KDM3B: variants seen among roughly 807,000 people sequenced by gnomAD.
KDM3B encodes lysine-specific demethylase 3B.
A neutral mutation model predicts 170.0 loss-of-function variants in KDM3B; 10 were observed. The ratio of observed to expected loss-of-function variants is 0.06; its 90% CI spans 0.04 to 0.10. The LOEUF is 0.10. Among genes scored for constraint, KDM3B ranks in the 10% least tolerant of loss-of-function variants. The pLI is 1.00. For synonymous variants in KDM3B, 831 were observed against 834.8 expected, an observed-to-expected ratio of 1.00 and a Z score of 0.08; for missense variants, 1,394 against 2,195.2, an observed-to-expected ratio of 0.64 and a Z score of 7.29.
chr5:138,412,645 C>A (rs1010932053), intron 11 of KDM3B, among the ~76,000 whole-genome samples: 3 of 151,992 alleles, frequency 2.0e-5, no homozygotes, highest in Non-Finnish European at 4.4e-5. Flanking sequence ...CAGAGTGAGA[C>A]CCTGTCTCCA....
At position 138,372,835 on chromosome 5, in the gene KDM3B, A is replaced by G; in HGVS notation, c.354A>G (p.Pro118=). The G allele has an allele frequency of 6.2e-7, 1 of 1,612,340 alleles. No individual in the cohort carries two copies. The highest frequency in any genetic ancestry group is 1.1e-5 in the South Asian group (1 of 90,806). The change falls in exon 2 of 24, where the codon CCA becomes CCG. Residue 118 remains proline, a synonymous_variant. Transcript: ENST00000314358. ...TTCGAGTCTCCATTGCACAATGGCC[A>G]GCCCTGGTGAGTGGCTTTTACTGGG... ...QGIRVSIAQW[P]ALTFTPLVDK... is the part of the protein sequence containing the mutation.
At chr5:138,384,325 C>T (rs1182484087) in intron 6 of KDM3B, among the ~76,000 whole-genome samples, 5 of 151,600 alleles carry the variant, frequency 3.3e-5, no homozygotes, top group Admixed American at 2.0e-4. Context: ...AGAGGCTGGG[C>T]GTGGTGGCTC....
At position 138,420,836 on chromosome 5, in the gene KDM3B, T is replaced by A; in HGVS notation, c.3846T>A (p.Thr1282=). 1 of 1,614,176 alleles carries A rather than the reference T, an allele frequency of 6.2e-7. No individual in the cohort carries two copies. The change falls in exon 15 of 24, where the codon ACT becomes ACA. Residue 1282 remains threonine (T), a synonymous_variant. Transcript: ENST00000314358. ...KLFNSLLLGP[T]ASNNKTEGSS... The stretch of plus-strand genomic sequence containing the variant: ...TTAACAGTCTGTTGCTGGGTCCCAC[T>A]GCCTCCAACAACAAAACCGAAGGGT...
intron 11 of KDM3B, among the ~76,000 whole-genome samples, chr5:138,411,758 G>T (rs560420373): frequency 4.0e-5 from 6 of 149,480 alleles, no homozygotes; most frequent in African/African-American, 1.2e-4. Flanking sequence ...GGAGTGCAGT[G>T]GTGCAATCTT....
intron 12 of KDM3B, among the ~76,000 whole-genome samples, chr5:138,416,805 G>A (rs570087546): frequency 5.9e-5 from 9 of 151,996 alleles, no homozygotes; most frequent in Admixed American, 1.3e-4. Flanking sequence ...ATAACTTACA[G>A]TAAAGTATAC....
chr5:138,397,479 G>C (rs1273601274), intron 9 of KDM3B, among the ~76,000 whole-genome samples: 1 of 152,202 alleles, frequency 6.6e-6, no homozygotes, highest in Non-Finnish European at 1.5e-5. Context: ...CTGTGCTCCA[G>C]CCTGGGTAAC....
Position 138,419,228 on chromosome 5 carries a change from A to G in KDM3B, c.3711A>G (p.Thr1237=). Residue 1237 remains threonine (T), a synonymous_variant, in exon 14 of 24, where the codon ACA becomes ACG. Coordinates refer to ENST00000314358, the MANE Select transcript of KDM3B (RefSeq NM_016604.4). The part of the protein sequence containing the change: ...DLATQKAKEE[T]KEAGSLRSVL... ...CAACTCAGAAGGCTAAAGAAGAAAC[A>G]AAAGGTGAGATGCACACAAACCTCT... The G allele has an allele frequency of 6.2e-7, 1 of 1,612,810 alleles. No individual in the cohort carries two copies. Among genetic ancestry groups the G allele is most frequent in the Non-Finnish European group, 8.5e-7 (1 of 1,179,012 alleles).
chr5:138,398,090 AT>A, intron 9 of KDM3B, 87 bp from the exon 10 acceptor site: 1 of 989,676 alleles, frequency 1.0e-6, no homozygotes. Context: ...CTGTTGTCTC[AT>A]TTTACTTCTG....
chr5:138,419,375 G>T, intron 14 of KDM3B, 143 bp downstream of exon 14: 4 of 1,078,784 alleles, frequency 3.7e-6, no homozygotes, highest in Non-Finnish European at 3.9e-6. Flanking sequence ...GACTGCCGGG[G>T]CCTGGCGTGG....
intron 19 of KDM3B, 92 bp from the exon 20 acceptor site, chr5:138,427,875 C>T: frequency 8.3e-7 from 1 of 1,206,294 alleles, no homozygotes; most frequent in Middle Eastern, 2.6e-4. Context: ...ACTCATTTAA[C>T]AACACCCTTG....
chr5:138,399,188 C>T (rs543465290), intron 10 of KDM3B, among the ~76,000 whole-genome samples: 2 of 151,830 alleles, frequency 1.3e-5, no homozygotes, highest in Admixed American at 6.6e-5. Flanking sequence ...GCGCCCGGCC[C>T]TGTATCCTAA....
chr5:138,396,883 C>T (rs758860620), intron 9 of KDM3B, among the ~76,000 whole-genome samples: 5 of 151,834 alleles, frequency 3.3e-5, no homozygotes, highest in Admixed American at 6.6e-5. Flanking sequence ...TGTAGGTAGA[C>T]ATGAATTTAA....
intron 1 of KDM3B, among the ~76,000 whole-genome samples, chr5:138,355,007 C>CT (rs1000694663): frequency 1.4e-4 from 21 of 151,982 alleles, no homozygotes; most frequent in Middle Eastern, 6.8e-3. Context: ...GGGCCGTTTT[C>CT]TTTTTTTCTC....
At chr5:138,428,230 G>A (rs903178995) in intron 20 of KDM3B, 144 bp downstream of exon 20, 3 of 851,250 alleles carry the variant, frequency 3.5e-6, no homozygotes, top group Non-Finnish European at 5.4e-6. Context: ...GGGCGGGGAG[G>A]CAGAGTCTCG....
chr5:138,354,137 C>G (rs1385457115), intron 1 of KDM3B, among the ~76,000 whole-genome samples: 1 of 152,164 alleles, frequency 6.6e-6, no homozygotes, highest in Non-Finnish European at 1.5e-5. Context: ...CGGTGTTAGA[C>G]TGTCCTTTTT....
intron 6 of KDM3B, 113 bp from the exon 7 acceptor site, chr5:138,385,909 C>A: frequency 8.0e-7 from 1 of 1,248,084 alleles, no homozygotes; most frequent in Non-Finnish European, 1.1e-6. Context: ...GGCATTGGAA[C>A]TTGGCAGTCT....
At chr5:138,378,767 G>T (rs1351709426) in intron 4 of KDM3B, among the ~76,000 whole-genome samples, 2 of 149,564 alleles carry the variant, frequency 1.3e-5, no homozygotes, top group Non-Finnish European at 3.0e-5. Context: ...AGGAGAGGTA[G>T]GGAGATACAT....
chr5:138,403,554 G>C (rs1450567237), intron 11 of KDM3B, among the ~76,000 whole-genome samples: 1 of 151,940 alleles, frequency 6.6e-6, no homozygotes, highest in Non-Finnish European at 1.5e-5. Flanking sequence ...GCGGGTGCCT[G>C]TAATCCCAGC....
chr5:138,360,551 T>TGTGTGA (rs747718906), intron 1 of KDM3B, among the ~76,000 whole-genome samples: 1 of 140,744 alleles, frequency 7.1e-6, no homozygotes, highest in South Asian at 2.3e-4. Context: ...TGTGTGTGTG[T>TGTGTGA]GAATTTTAAT....
Sources: allele counts gnomAD v4.1 joint callset (sites outside exome capture counted in the v4.1 genomes callset), GRCh38; gene constraint gnomAD v4.1.1; transcripts MANE v1.5; gene names NCBI Gene and HGNC (gene_info 2026-07-23, HGNC 2026-07-21).